FNIP2: variants seen among roughly 807,000 people sequenced by gnomAD.
FNIP2 encodes the protein folliculin interacting protein 2.
Under a neutral mutation model 108.7 loss-of-function variants are expected in FNIP2, and 32 were observed. That is an observed-to-expected ratio of 0.29 (90% CI 0.22 to 0.40). The LOEUF is 0.40. FNIP2 is among the 10% of genes least tolerant of loss of function. The probability of loss-of-function intolerance (pLI) is 1.00; values close to 1 mark genes in which losing one functional copy is unlikely to be tolerated. For missense variants in FNIP2, 1,202 were observed against 1,381.6 expected, an observed-to-expected ratio of 0.87 and a Z score of 2.06; for synonymous variants, 480 against 496.7, an observed-to-expected ratio of 0.97 and a Z score of 0.45.
intron 6 of FNIP2, chr4:158,835,172 G>T: frequency 4.5e-6 from 1 of 222,156 alleles, no homozygotes; most frequent in Non-Finnish European, 9.0e-6. Context: ...AGAAAAGTTT[G>T]TATGCTTACA....
intron 1 of FNIP2, among the ~76,000 whole-genome samples, chr4:158,790,688 A>G (rs1356569184): frequency 1.3e-5 from 2 of 152,196 alleles, no homozygotes; most frequent in Admixed American, 6.5e-5. Flanking sequence ...TCCAAGCTGC[A>G]GTGATCTGTG....
intron 14 of FNIP2, among the ~76,000 whole-genome samples, chr4:158,870,868 C>A (rs185404267): frequency 6.6e-6 from 1 of 152,242 alleles, no homozygotes; most frequent in Non-Finnish European, 1.5e-5. Context: ...GATGCAGACA[C>A]ACAGCCTTGT....
intron 1 of FNIP2, among the ~76,000 whole-genome samples, 195 bp downstream of exon 1, chr4:158,769,514 C>G (rs892090392): frequency 1.6e-4 from 24 of 152,112 alleles, no homozygotes; most frequent in Non-Finnish European, 1.9e-4. Flanking sequence ...ACCCTTCCTC[C>G]CGCTCTTTCT....
At chr4:158,823,411 G>T (rs1777992280) in intron 1 of FNIP2, among the ~76,000 whole-genome samples, 2 of 152,146 alleles carry the variant, frequency 1.3e-5, no homozygotes, top group South Asian at 2.1e-4. Context: ...GATTATGGGT[G>T]CCCACTAGTG....
intron 1 of FNIP2, among the ~76,000 whole-genome samples, chr4:158,782,205 T>G (rs1383347380): frequency 6.6e-6 from 1 of 151,758 alleles, no homozygotes; most frequent in Admixed American, 6.6e-5. Flanking sequence ...AGTAGTGGAT[T>G]GGTGGAGCAG....
intron 1 of FNIP2, among the ~76,000 whole-genome samples, chr4:158,823,358 C>G (rs1408155706): frequency 6.6e-6 from 1 of 152,058 alleles, no homozygotes; most frequent in African/African-American, 2.4e-5. Context: ...CTCTGTCTCC[C>G]AAGTTCAAGC....
intron 6 of FNIP2, chr4:158,834,325 T>TCTCTCTCTCTCTCTCTCTCC (rs1390704315): frequency 6.7e-5 from 10 of 149,794 alleles, no homozygotes; most frequent in African/African-American, 2.5e-4. Context: ...TCTCTCTCTC[T>TCTCTCTCTCTCTCTCTCTCC]CTCTCCCTCT....
intron 12 of FNIP2, among the ~76,000 whole-genome samples, chr4:158,864,506 G>T (rs1780471571): frequency 6.6e-6 from 1 of 152,324 alleles, no homozygotes; most frequent in Non-Finnish European, 1.5e-5. Flanking sequence ...GAATAAGTGT[G>T]CCTTTAAGAT....
At chr4:158,784,668 C>T (rs1289033933) in intron 1 of FNIP2, among the ~76,000 whole-genome samples, 1 of 152,066 alleles carries the variant, frequency 6.6e-6, no homozygotes, top group Non-Finnish European at 1.5e-5. Flanking sequence ...CCCTCGCGTG[C>T]GCAGTTCATA....
chr4:158,784,794 A>G lies in FNIP2; in HGVS notation c.107+15475A>G, dbSNP rs139595845. Among the ~76,000 whole-genome samples, 86 of 152,288 alleles carry G rather than the reference A, an allele frequency of 5.6e-4. 2 individuals carry two copies. In the East Asian group the frequency reaches 0.016, roughly 29 times the overall value. ...CTCCTGCTTTGTGGCCCGGTTCCTA[A>G]CAGGCCATGGTCTGGTACCAGTCCG... On this transcript the variant is annotated intron_variant, in intron 1 of 16. Coordinates refer to ENST00000264433, the MANE Select transcript of FNIP2 (RefSeq NM_020840.3).
At chr4:158,859,350 C>T (rs1262356396) in intron 9 of FNIP2, 92 bp downstream of exon 9, 25 of 1,372,008 alleles carry the variant, frequency 1.8e-5, no homozygotes, top group Middle Eastern at 2.5e-4. Flanking sequence ...AGATGTCTTT[C>T]CTAAGGAAGT....
At chr4:158,777,799 C>T (rs1775908054) in intron 1 of FNIP2, among the ~76,000 whole-genome samples, 1 of 152,154 alleles carries the variant, frequency 6.6e-6, no homozygotes, top group African/African-American at 2.4e-5. Context: ...TGAGAAATTG[C>T]TTATACATGA....
chr4:158,785,076 A>G (rs976778740), intron 1 of FNIP2, among the ~76,000 whole-genome samples: 7 of 142,514 alleles, frequency 4.9e-5, no homozygotes, highest in African/African-American at 1.1e-4. Flanking sequence ...TAGCCAGTAT[A>G]TAAAGTTCCT....
At chr4:158,789,777 G>T (rs1204554167) in intron 1 of FNIP2, among the ~76,000 whole-genome samples, 1 of 151,540 alleles carries the variant, frequency 6.6e-6, no homozygotes, top group African/African-American at 2.4e-5. Flanking sequence ...AGTAGTTTCT[G>T]AGTAAACGCA....
intron 7 of FNIP2, among the ~76,000 whole-genome samples, chr4:158,836,811 CAAAAAAAAAAAAAAAA>C (rs34469888): frequency 5.1e-5 from 2 of 39,564 alleles, no homozygotes; most frequent in Non-Finnish European, 9.5e-5. Flanking sequence ...GACTCCGTCT[CAAAAAAAAAAAAAAAA>C]AAAAAAAAAA....
Position 158,906,207 on chromosome 4 carries a change from G to C in FNIP2, c.*1663G>C, listed in dbSNP as rs889825286. The C allele has an allele frequency of 3.9e-5, 6 of 152,118 alleles. No individual in the cohort carries two copies. The highest frequency in any genetic ancestry group is 1.4e-4 in the African/African-American group (6 of 41,440). The allele number at this position is 152,118 out of a possible 1,614,324, so 9.4% of individuals were successfully genotyped here. On this transcript the variant is annotated 3_prime_UTR_variant, in exon 17 of 17. Coordinates refer to ENST00000264433, the MANE Select transcript of FNIP2 (RefSeq NM_020840.3). The stretch of plus-strand genomic sequence containing the variant: ...CTGTAGTTCCATGACATCATTGTTT[G>C]CTGTTGTGTTACAGAGAGAGAAGGA...
chr4:158,822,875 T>G (rs901451773), intron 1 of FNIP2, among the ~76,000 whole-genome samples: 1 of 152,252 alleles, frequency 6.6e-6, no homozygotes, highest in African/African-American at 2.4e-5. Context: ...TTTTCCCCTC[T>G]GTGTCTTTTT....
intron 7 of FNIP2, among the ~76,000 whole-genome samples, chr4:158,837,048 G>A (rs1336666286): frequency 6.6e-6 from 1 of 152,156 alleles, no homozygotes; most frequent in African/African-American, 2.4e-5. Context: ...TGTGTTTACA[G>A]AGCTTAGTGT....
intron 1 of FNIP2, among the ~76,000 whole-genome samples, chr4:158,824,693 A>C (rs1778058354): frequency 6.6e-6 from 1 of 152,166 alleles, no homozygotes; most frequent in African/African-American, 2.4e-5. Context: ...TGATCTTATC[A>C]AGCGTCTGTT....
Sources: gnomAD v4.1 joint callset for allele counts (sites outside exome capture counted in the v4.1 genomes callset) on GRCh38, gnomAD v4.1.1 for gene constraint, MANE v1.5 for transcripts, NCBI Gene and HGNC (gene_info 2026-07-23, HGNC 2026-07-21) for gene names.